VSIR: variants seen among roughly 807,000 people sequenced by gnomAD.
VSIR encodes the protein V-set immunoregulatory receptor.
In VSIR, 10 loss-of-function variants were observed where a neutral mutation model predicts 31.0. The observed-to-expected ratio is 0.32, with a 90% confidence interval of 0.20 to 0.55. The LOEUF (loss-of-function observed/expected upper bound fraction) is 0.55. VSIR is among the 20% of genes least tolerant of loss of function. The pLI is 0.93. For missense variants in VSIR, 356 were observed against 416.2 expected (o/e 0.86, Z 1.26); for synonymous variants, 179 against 180.1 (o/e 0.99, Z 0.05).
chr10:71,772,320 A>G (rs1205355948), intron 1 of VSIR, among the ~76,000 whole-genome samples: 1 of 151,220 alleles, frequency 6.6e-6, no homozygotes, highest in Non-Finnish European at 1.5e-5. Context: ...CATCCTGCCC[A>G]CTGGGTCCCT....
chr10:71,771,343 C>T (rs1840679120), intron 1 of VSIR, among the ~76,000 whole-genome samples: 4 of 152,182 alleles, frequency 2.6e-5, no homozygotes, highest in Admixed American at 2.6e-4. Context: ...CAGTGCTGGC[C>T]CAACCCCAAG....
rs896444840 is a variant in VSIR at position 71,749,077 on chromosome 10, G to A, written c.*2176C>T. 6.6e-6 allele frequency: 1 copy of A among 152,322 alleles called. No individual in the cohort carries two copies. Among genetic ancestry groups the A allele is most frequent in the Admixed American group, 6.5e-5 (1 of 15,286 alleles). The allele number at this position is 152,322 out of a possible 1,614,324, so 9.4% of individuals were successfully genotyped here. ...CCACACAGCAGCAGCCAGGCCTGGG[G>A]TCTGGCAGCCAAATTCTTAGAAGTT... On this transcript the variant is annotated 3_prime_UTR_variant, in exon 7 of 7. Transcript: ENST00000394957.
chr10:71,752,308 AC>A (rs1748190724), intron 5 of VSIR, among the ~76,000 whole-genome samples: 1 of 152,046 alleles, frequency 6.6e-6, no homozygotes. Context: ...ACTTCTGAAG[AC>A]CCCTGCAACT....
At chr10:71,761,507 C>T in intron 2 of VSIR, 91 bp downstream of exon 2, 3 of 1,400,846 alleles carry the variant, frequency 2.1e-6, no homozygotes, top group Admixed American at 2.7e-5. Context: ...TGCAGCCTCA[C>T]ACTCTGCCCA....
chr10:71,772,948 G>C (rs144399939), intron 1 of VSIR, among the ~76,000 whole-genome samples: 33 of 152,350 alleles, frequency 2.2e-4, no homozygotes, highest in Non-Finnish European at 3.5e-4. Flanking sequence ...CAACACTAGA[G>C]CCCTGAGACT....
At chr10:71,768,205 C>CTGT (rs1312668756) in intron 1 of VSIR, among the ~76,000 whole-genome samples, 2 of 152,184 alleles carry the variant, frequency 1.3e-5, no homozygotes, top group Non-Finnish European at 2.9e-5. Flanking sequence ...GAGTCTCGCT[C>CTGT]TGTTGCCCAG....
intron 3 of VSIR, 137 bp downstream of exon 3, chr10:71,760,731 A>C (rs1840358346): frequency 1.3e-6 from 1 of 768,446 alleles, no homozygotes; most frequent in Non-Finnish European, 2.3e-6. Context: ...AGGGATGTGC[A>C]GCAGCAGAAA....
chr10:71,767,647 T>C (rs112147052), intron 1 of VSIR, among the ~76,000 whole-genome samples: 2,903 of 152,296 alleles, frequency 0.019, 100 homozygotes, highest in African/African-American at 0.067. Context: ...CAATCAGGAC[T>C]GGGGCTGCCA....
chr10:71,768,405 A>C (rs1840606942), intron 1 of VSIR, among the ~76,000 whole-genome samples: 1 of 152,038 alleles, frequency 6.6e-6, no homozygotes. Context: ...TCCTGACCTC[A>C]TGTGATCCAC....
At chr10:71,770,988 C>T (rs1160737980) in intron 1 of VSIR, among the ~76,000 whole-genome samples, 1 of 152,160 alleles carries the variant, frequency 6.6e-6, no homozygotes, top group East Asian at 1.9e-4. Context: ...ACCATTGCTG[C>T]GTCAGAGGCT....
chr10:71,755,358 C>T lies in VSIR; in HGVS notation c.676+1G>A, dbSNP rs751673703. Reference sequence around the variant, plus strand: ...CACCCCAGGCAGGGAGGAATACTCACGGCGGTTGGAGGCTGCCTGCCTTTG... The same window carrying T: ...CACCCCAGGCAGGGAGGAATACTCATGGCGGTTGGAGGCTGCCTGCCTTTG... On this transcript the variant is annotated splice_donor_variant, in intron 4 of 6. Coordinates refer to ENST00000394957, the MANE Select transcript of VSIR (RefSeq NM_022153.2). LOFTEE classifies it high-confidence loss of function. 1.2e-6 allele frequency: 2 copies of T among 1,602,778 alleles called. No individual in the cohort carries two copies. Among genetic ancestry groups the T allele is most frequent in the Non-Finnish European group, 1.7e-6 (2 of 1,172,528 alleles).
At position 71,748,004 on chromosome 10, in the gene VSIR, G is replaced by A. The variant is rs1179530017; in HGVS notation, c.*3249C>T. The A allele has an allele frequency of 6.6e-6, 1 of 152,298 alleles. No individual in the cohort carries two copies. The highest frequency in any genetic ancestry group is 2.4e-5 in the African/African-American group (1 of 41,458). 9.4% of individuals were successfully genotyped at this position (152,298 alleles called of 1,614,324 possible). The stretch of plus-strand genomic sequence containing the variant: ...GCTGGGCTGTGGCTGGGCTTCAAGA[G>A]GCCTTTGTTCCCAGCATCCTGGTTA... On this transcript the variant is annotated 3_prime_UTR_variant, in exon 7 of 7. Coordinates refer to ENST00000394957, the MANE Select transcript of VSIR (RefSeq NM_022153.2).
rs980882436 is a variant in VSIR, at chr10:71,748,434, T to C, written c.*2819A>G. 2.0e-5 allele frequency: 3 copies of C among 152,340 alleles called. No individual in the cohort carries two copies. The allele number at this position is 152,340 out of a possible 1,614,324, so 9.4% of individuals were successfully genotyped here. On this transcript the variant is annotated 3_prime_UTR_variant, in exon 7 of 7. Coordinates refer to ENST00000394957, the MANE Select transcript of VSIR (RefSeq NM_022153.2). ...TCCATGGTGTGTTTTTAGGGAGTGC[T>C]GAGCAGTCCCCGCTGTGTCAGCAAA...
chr10:71,767,915 C>T (rs1718792849), intron 1 of VSIR, among the ~76,000 whole-genome samples: 1 of 152,176 alleles, frequency 6.6e-6, no homozygotes, highest in African/African-American at 2.4e-5. Flanking sequence ...TAGCATGCCT[C>T]CCCAGGGAGG....
chr10:71,754,591 G>A (rs1840085945), intron 4 of VSIR, among the ~76,000 whole-genome samples: 1 of 152,168 alleles, frequency 6.6e-6, no homozygotes, highest in Non-Finnish European at 1.5e-5. Flanking sequence ...CAGGGTGGGA[G>A]GTGAAAGATG....
At position 71,755,410 on chromosome 10, in the gene VSIR, G is replaced by C; in HGVS notation, c.625C>G (p.Pro209Ala). 1 of 1,613,542 alleles carries C rather than the reference G, an allele frequency of 6.2e-7. No individual in the cohort carries two copies. Among genetic ancestry groups the C allele is most frequent in the East Asian group, 2.2e-5 (1 of 44,872 alleles). The change falls in exon 4 of 7, where the codon CCC becomes GCC. Residue 209 changes from proline (P) to alanine (A), a missense_variant. Around this residue, in one of 2 missense-constraint regions of VSIR, gnomAD observed 190 missense variants for 185.2 expected, o/e 1.03. Coordinates refer to ENST00000394957, the MANE Select transcript of VSIR (RefSeq NM_022153.2). ...GACIVGILCL[P>A]LILLLVYKQR... is the part of the protein sequence containing the mutation. ...TTGTAGACCAGGAGCAGGATGAGGG[G>C]GAGGCAGAGGATTCCTACGATGCAG... is the stretch of plus-strand genomic sequence containing the variant.
chr10:71,765,233 C>G lies in VSIR; in HGVS notation c.83-3207G>C, dbSNP rs528853208. On this transcript the variant is annotated intron_variant, in intron 1 of 6. Transcript: ENST00000394957. ...CTTTGCCTGACATCACCTCCTACCC[C>G]AGAGCCACCCCAGGGCTGGGAGCTG... Among the ~76,000 whole-genome samples the G allele has an allele frequency of 1.4e-4, 22 of 152,386 alleles. No individual in the cohort carries two copies. The East Asian group carries it at 4.2e-3, about 29-fold the overall frequency.
chr10:71,766,860 C>T (rs547230779), intron 1 of VSIR, among the ~76,000 whole-genome samples: 7 of 152,300 alleles, frequency 4.6e-5, no homozygotes, highest in African/African-American at 1.4e-4. Flanking sequence ...AGTGGGCAGG[C>T]GGGGCTGATG....
intron 4 of VSIR, chr10:71,753,891 G>A: frequency 2.2e-6 from 1 of 456,368 alleles, no homozygotes; most frequent in Non-Finnish European, 4.4e-6. Context: ...CTTCGTGCAG[G>A]TGCACACGGG....
Sources: allele counts gnomAD v4.1 joint callset (sites outside exome capture counted in the v4.1 genomes callset), GRCh38; gene constraint gnomAD v4.1.1; regional missense constraint gnomAD v4.1.1; transcripts MANE v1.5; gene names NCBI Gene and HGNC (gene_info 2026-07-23, HGNC 2026-07-21).